TTBK2: variants seen among roughly 807,000 people sequenced by gnomAD.
TTBK2 encodes the protein tau-tubulin kinase 2.
TTBK2 carries 28 observed loss-of-function variants against 110.8 expected under a neutral mutation model. The observed-to-expected ratio is 0.25, with a 90% confidence interval of 0.19 to 0.35. TTBK2 has a LOEUF of 0.35. Ranked by LOEUF, TTBK2 falls within the 10% of genes least tolerant of loss-of-function variation. The pLI is 1.00. For synonymous variants in TTBK2, 532 were observed against 527.3 expected, an observed-to-expected ratio of 1.01 and a Z score of -0.12; for missense variants, 1,369 against 1,500.3, an observed-to-expected ratio of 0.91 and a Z score of 1.45.
intron 3 of TTBK2, among the ~76,000 whole-genome samples, chr15:42,858,277 A>G (rs1054152433): frequency 1.3e-5 from 2 of 152,224 alleles, no homozygotes; most frequent in Non-Finnish European, 2.9e-5. Flanking sequence ...ATATTTATCT[A>G]TAAAGAATAT....
intron 10 of TTBK2, among the ~76,000 whole-genome samples, chr15:42,793,572 G>A (rs781306345): frequency 1.3e-4 from 20 of 151,506 alleles, no homozygotes; most frequent in African/African-American, 4.6e-4. Flanking sequence ...AAATCAGGCC[G>A]GCGCAGTGGC....
chr15:42,813,143 C>A (rs536567414), intron 7 of TTBK2, among the ~76,000 whole-genome samples: 4 of 152,184 alleles, frequency 2.6e-5, no homozygotes, highest in East Asian at 3.9e-4. Flanking sequence ...AAATCCCAAA[C>A]AGATAAATAT....
chr15:42,863,021 A>G (rs1894222027), intron 3 of TTBK2, among the ~76,000 whole-genome samples: 1 of 152,140 alleles, frequency 6.6e-6, no homozygotes, highest in Admixed American at 6.6e-5. Context: ...AAGGATGCCT[A>G]CTCTTACCAC....
intron 1 of TTBK2, among the ~76,000 whole-genome samples, chr15:42,901,852 T>C (rs1369539828): frequency 6.6e-6 from 1 of 151,976 alleles, no homozygotes; most frequent in Non-Finnish European, 1.5e-5. Flanking sequence ...CCAAAGAAGA[T>C]ATACAAATGG....
chr15:42,807,213 C>G (rs997599475), intron 9 of TTBK2, among the ~76,000 whole-genome samples: 2 of 152,170 alleles, frequency 1.3e-5, no homozygotes, highest in East Asian at 1.9e-4. Context: ...TGCATTTCCT[C>G]TCTATCCTAT....
chr15:42,914,148 TA>T (rs2030954435), intron 1 of TTBK2, among the ~76,000 whole-genome samples: 2 of 151,974 alleles, frequency 1.3e-5, no homozygotes, highest in African/African-American at 2.4e-5. Flanking sequence ...GGCTAATTTT[TA>T]TATTTTTTAG....
intron 1 of TTBK2, among the ~76,000 whole-genome samples, chr15:42,900,387 C>A (rs898248973): frequency 2.0e-5 from 3 of 152,022 alleles, no homozygotes; most frequent in Non-Finnish European, 4.4e-5. Flanking sequence ...ATAAATTATG[C>A]ACAGAAAAAA....
chr15:42,824,674 C>T (rs757122861), intron 6 of TTBK2, among the ~76,000 whole-genome samples: 11 of 151,980 alleles, frequency 7.2e-5, no homozygotes, highest in Non-Finnish European at 1.6e-4. Flanking sequence ...ATGATGAGAA[C>T]TCGTAGACAC....
Position 42,752,286 on chromosome 15 carries a change from T to C in TTBK2, c.2960A>G (p.Gln987Arg). 1.2e-6 allele frequency: 2 copies of C among 1,614,188 alleles called. No individual in the cohort carries two copies. Among genetic ancestry groups the C allele is most frequent in the Non-Finnish European group, 1.7e-6 (2 of 1,180,030 alleles). ...GAGGTCGCCAAGGAAGGACTTGAATTGTCTTTTTTCCACCAGAAGCTTGAC... is the reference window on the plus strand; with the variant it reads ...GAGGTCGCCAAGGAAGGACTTGAATCGTCTTTTTTCCACCAGAAGCTTGAC... ...DLVKLLVEKR[Q>R]FKSFLGDLSS... The change falls in exon 14 of 15, where the codon CAA becomes CGA. Residue 987 changes from glutamine (Q) to arginine (R), a missense_variant. Gln to Arg is a conservative substitution (Grantham distance 43). Around this residue, in one of 4 missense-constraint regions of TTBK2, gnomAD observed 1,097 missense variants for 1,114.7 expected, o/e 0.98. Coordinates refer to ENST00000267890, the MANE Select transcript of TTBK2 (RefSeq NM_173500.4).
At chr15:42,872,417 T>C (rs1894650841) in intron 3 of TTBK2, among the ~76,000 whole-genome samples, 194 bp downstream of exon 3, 1 of 152,232 alleles carries the variant, frequency 6.6e-6, no homozygotes, top group African/African-American at 2.4e-5. Context: ...CCAATTATTC[T>C]AAGTAATTAC....
In TTBK2 at chr15:42,777,071, G is replaced by C. The variant is rs1222404427; in HGVS notation, c.1369C>G (p.Leu457Val). 6.2e-7 allele frequency: 1 copy of C among 1,614,140 alleles called. No individual in the cohort carries two copies. Among genetic ancestry groups the C allele is most frequent in the Non-Finnish European group, 8.5e-7 (1 of 1,180,020 alleles). Residue 457 changes from leucine (L) to valine (V), a missense_variant, in exon 12 of 15, where the codon CTG (leucine) becomes GTG (valine). Transcript: ENST00000267890. The stretch of plus-strand genomic sequence containing the variant: ...TTGTCAGTGTCTGGCTTTGGCTCCA[G>C]GGTCAGACGTTTTTCCAGCTCAAAG... ...HSFELEKRLT[L>V]EPKPDTDKFL... is the part of the protein sequence containing the mutation.
chr15:42,763,145 T>C (rs1476177377), intron 13 of TTBK2, among the ~76,000 whole-genome samples: 23 of 69,696 alleles, frequency 3.3e-4, no homozygotes, highest in African/African-American at 1.9e-3. Context: ...TATACATACA[T>C]ATATATATAT....
At chr15:42,870,134 A>G (rs1894556731) in intron 3 of TTBK2, among the ~76,000 whole-genome samples, 1 of 152,092 alleles carries the variant, frequency 6.6e-6, no homozygotes, top group African/African-American at 2.4e-5. Flanking sequence ...ATATTGTGCC[A>G]CTGCACTCCA....
chr15:42,828,344 C>CCCAAT (rs1403110732), intron 5 of TTBK2, among the ~76,000 whole-genome samples: 1 of 151,604 alleles, frequency 6.6e-6, no homozygotes, highest in African/African-American at 2.4e-5. Context: ...TAAATGACAG[C>CCCAAT]CCAATCCCTA....
At chr15:42,796,505 T>A (rs1890951970) in intron 9 of TTBK2, among the ~76,000 whole-genome samples, 1 of 151,984 alleles carries the variant, frequency 6.6e-6, no homozygotes, top group African/African-American at 2.4e-5. Context: ...CCTAGAGTAC[T>A]CCAATACTTA....
chr15:42,775,629 C>T lies in TTBK2; in HGVS notation c.1504G>A (p.Asp502Asn), dbSNP rs1173221281. The T allele has an allele frequency of 3.1e-6, 5 of 1,612,574 alleles. No homozygotes were observed. Among genetic ancestry groups the T allele is most frequent in the African/African-American group, 2.7e-5 (2 of 74,886 alleles). The stretch of plus-strand genomic sequence containing the variant: ...TCTTCATCATAGTGCCAGATGTGGT[C>T]AGTACGGGACACAGCAGGAACGCAA... Reference protein sequence around the residue: ...KPCVPAVSRTDHIWHYDEEYL... With the variant: ...KPCVPAVSRTNHIWHYDEEYL... Residue 502 changes from aspartate to asparagine, a missense_variant, in exon 13 of 15, where the codon GAC becomes AAC. Physicochemically the swap from Asp to Asn is conservative, Grantham distance 23. This residue lies in a region of TTBK2 where 1,097 missense variants were observed against 1,114.7 expected (regional missense o/e 0.98). Transcript: ENST00000267890.
chr15:42,872,506 T>C, intron 3 of TTBK2, 105 bp downstream of exon 3: 13 of 1,360,494 alleles, frequency 9.6e-6, no homozygotes, highest in Non-Finnish European at 1.2e-5. Flanking sequence ...CTGACACCAG[T>C]ACATTCAATT....
At chr15:42,794,557 T>A in intron 10 of TTBK2, 87 bp downstream of exon 10, 1 of 1,576,790 alleles carries the variant, frequency 6.3e-7, no homozygotes, top group Non-Finnish European at 8.7e-7. Context: ...TAGCATTTGG[T>A]CATCTGAGGG....
chr15:42,835,859 C>A (rs1352877449), intron 4 of TTBK2, among the ~76,000 whole-genome samples: 1 of 152,098 alleles, frequency 6.6e-6, no homozygotes, highest in African/African-American at 2.4e-5. Context: ...TAGCCATATA[C>A]TGATAGTTGT....
Sources: gnomAD v4.1 joint callset for allele counts (sites outside exome capture counted in the v4.1 genomes callset) on GRCh38, gnomAD v4.1.1 for gene constraint, gnomAD v4.1.1 regional missense constraint, MANE v1.5 for transcripts, NCBI Gene and HGNC (gene_info 2026-07-23, HGNC 2026-07-21) for gene names.